PRRC2B: variants seen among roughly 807,000 people sequenced by gnomAD.
PRRC2B encodes the protein protein PRRC2B.
PRRC2B carries 68 observed loss-of-function variants against 242.3 expected under a neutral mutation model. The observed-to-expected ratio is 0.28, with a 90% CI of 0.23 to 0.34. The LOEUF (loss-of-function observed/expected upper bound fraction) is 0.34. Ranked by LOEUF, PRRC2B falls within the 10% of genes least tolerant of loss-of-function variation. The pLI, the probability that PRRC2B is intolerant of heterozygous loss-of-function variation, is 1.00. For synonymous variants in PRRC2B, 1,228 were observed against 1,173.6 expected, an observed-to-expected ratio of 1.05 and a Z score of -0.95; for missense variants, 2,835 against 2,954.8, an observed-to-expected ratio of 0.96 and a Z score of 0.94.
At chr9:131,387,297 G>C (rs973342718) in intron 1 of PRRC2B, among the ~76,000 whole-genome samples, 1 of 149,914 alleles carries the variant, frequency 6.7e-6, no homozygotes, top group African/African-American at 2.4e-5. Context: ...CACCGCGCCC[G>C]GCCACCTGTC....
intron 1 of PRRC2B, among the ~76,000 whole-genome samples, chr9:131,396,554 G>C (rs1248439509): frequency 6.6e-6 from 1 of 152,012 alleles, no homozygotes; most frequent in Non-Finnish European, 1.5e-5. Context: ...TCAGACATCC[G>C]ACTTCAGGTG....
intron 1 of PRRC2B, among the ~76,000 whole-genome samples, chr9:131,415,691 C>T (rs1454116554): frequency 1.3e-5 from 2 of 152,168 alleles, no homozygotes; most frequent in Non-Finnish European, 2.9e-5. Context: ...TAAGAAGTCT[C>T]CATCATTGTT....
intron 26 of PRRC2B, 21 bp downstream of exon 26, chr9:131,486,203 G>C: frequency 6.5e-7 from 1 of 1,531,328 alleles, no homozygotes; most frequent in Non-Finnish European, 9.0e-7. Context: ...CTAGCCAGGT[G>C]GCCTGGCTGG....
intron 1 of PRRC2B, among the ~76,000 whole-genome samples, chr9:131,401,104 C>T (rs1837216372): frequency 6.6e-6 from 1 of 151,292 alleles, no homozygotes; most frequent in African/African-American, 2.4e-5. Flanking sequence ...CTTCGGAGCC[C>T]CCTACAGTTT....
intron 6 of PRRC2B, among the ~76,000 whole-genome samples, chr9:131,445,165 CTT>C (rs796163764): frequency 1.4e-5 from 2 of 145,900 alleles, no homozygotes; most frequent in Admixed American, 6.9e-5. Flanking sequence ...TATTTTGCTG[CTT>C]TTTTTTTTTT....
At chr9:131,439,819 G>A (rs771926005) in intron 5 of PRRC2B, among the ~76,000 whole-genome samples, 2 of 151,898 alleles carry the variant, frequency 1.3e-5, no homozygotes, top group Non-Finnish European at 2.9e-5. Flanking sequence ...TTGCAGCCTC[G>A]ATCTCCCGGG....
chr9:131,454,927 T>A (rs746113011), intron 9 of PRRC2B, 149 bp from the exon 10 acceptor site: 16 of 614,818 alleles, frequency 2.6e-5, no homozygotes, highest in Non-Finnish European at 3.8e-5. Flanking sequence ...AGCCACCATG[T>A]TGGTCAGTCT....
intron 1 of PRRC2B, among the ~76,000 whole-genome samples, chr9:131,407,204 C>T (rs569693158): frequency 1.3e-5 from 2 of 152,140 alleles, no homozygotes; most frequent in South Asian, 4.1e-4. Context: ...GATCCCACAG[C>T]TTTACAATTT....
At chr9:131,396,078 T>A (rs1390085743) in intron 1 of PRRC2B, among the ~76,000 whole-genome samples, 1 of 152,194 alleles carries the variant, frequency 6.6e-6, no homozygotes, top group Non-Finnish European at 1.5e-5. Flanking sequence ...GAGGCTCAGA[T>A]CTTGCATCTG....
rs1232590655 is a variant in PRRC2B, at chr9:131,439,032, T to C, written c.440T>C (p.Leu147Pro). ...VPGGPKSWAQ[L>P]NGKPVGHEGG... ...GGTGGACCAAAGTCATGGGCACAGC[T>C]GAATGGAAAGCCAGTAGGACACGAA... Residue 147 changes from leucine (L) to proline (P), a missense_variant, in exon 5 of 32, where the codon CTG (leucine) becomes CCG (proline). Leu to Pro is a moderately conservative substitution (Grantham distance 98). This residue lies in a region of PRRC2B where 626 missense variants were observed against 685.5 expected (regional missense o/e 0.91). Coordinates refer to ENST00000683519, the MANE Select transcript of PRRC2B (RefSeq NM_013318.4). 2 of 1,613,794 alleles carry C rather than the reference T, an allele frequency of 1.2e-6. No homozygotes were observed. Among genetic ancestry groups the C allele is most frequent in the Non-Finnish European group, 1.7e-6 (2 of 1,179,786 alleles).
intron 1 of PRRC2B, among the ~76,000 whole-genome samples, chr9:131,388,395 C>G (rs1427486042): frequency 1.3e-5 from 2 of 148,602 alleles, no homozygotes; most frequent in Non-Finnish European, 3.0e-5. Flanking sequence ...CATACACCAC[C>G]ACACCCATCT....
intron 11 of PRRC2B, among the ~76,000 whole-genome samples, chr9:131,462,117 C>T (rs1943258357): frequency 6.6e-6 from 1 of 152,132 alleles, no homozygotes; most frequent in South Asian, 2.1e-4. Context: ...TTCACTTTAA[C>T]CTACTCATAA....
upstream of PRRC2B, among the ~76,000 whole-genome samples, chr9:131,390,285 T>TGA (rs1414376325): frequency 3.3e-5 from 5 of 149,914 alleles, no homozygotes; most frequent in Admixed American, 3.5e-4. Flanking sequence ...CCTGGCACAG[T>TGA]GAGCACCAGA....
intron 14 of PRRC2B, among the ~76,000 whole-genome samples, chr9:131,472,604 G>C (rs1943578562): frequency 1.3e-5 from 2 of 151,520 alleles, no homozygotes; most frequent in Non-Finnish European, 2.9e-5. Context: ...AGCCTCCTGA[G>C]TAGCTGAGAT....
chr9:131,464,433 TCAG>T (rs1168578997), intron 11 of PRRC2B, among the ~76,000 whole-genome samples: 2 of 152,194 alleles, frequency 1.3e-5, no homozygotes, highest in African/African-American at 2.4e-5. Flanking sequence ...TGCATGCCCA[TCAG>T]CAGTGGTGGG....
At chr9:131,376,862 C>G (rs1836691866) in intron 1 of PRRC2B, among the ~76,000 whole-genome samples, 1 of 152,068 alleles carries the variant, frequency 6.6e-6, no homozygotes, top group Non-Finnish European at 1.5e-5. Flanking sequence ...CAAAAATTAG[C>G]CAGGCATGGT....
rs768832024 is a variant in PRRC2B, at chr9:131,475,766, G to A, written c.3637G>A (p.Gly1213Arg). 1.7e-5 allele frequency: 28 copies of A among 1,613,428 alleles called. No homozygotes were observed. Among genetic ancestry groups the A allele is most frequent in the African/African-American group, 4.0e-5 (3 of 74,922 alleles). The change falls in exon 16 of 32, where the codon GGG becomes AGG. Residue 1213 changes from glycine to arginine, a missense_variant. Around this residue, in one of 7 missense-constraint regions of PRRC2B, gnomAD observed 1,536 missense variants for 1,483.1 expected, o/e 1.04. Transcript: ENST00000683519. ...RALPPRLSNCGYGRRTFVSKE... is the reference protein window; with the variant it reads ...RALPPRLSNCRYGRRTFVSKE... The stretch of plus-strand genomic sequence containing the variant: ...CCTCCCTCCCCGGCTGAGCAATTGC[G>A]GGTATGGACGGAGAACCTTCGTCTC...
chr9:131,373,670 C>A (rs1200648565), exon 1 of PRRC2B: 1 of 152,240 alleles, frequency 6.6e-6, no homozygotes, highest in Non-Finnish European at 1.5e-5. Flanking sequence ...TCTGGGCCGC[C>A]GCGATTCTGG....
Position 131,455,137 on chromosome 9 carries a change from A to G in PRRC2B, c.1182A>G (p.Glu394=), listed in dbSNP as rs764798116. ...AGTTCAGTGATGATGAAGAGGAGGA[A>G]GAAGTTGTGAAGGACGGCAGGCCAA... ...KLKFSDDEEE[E]EVVKDGRPKW... Residue 394 remains glutamate (E), a synonymous_variant, in exon 10 of 32, where the codon GAA becomes GAG. Coordinates refer to ENST00000683519, the MANE Select transcript of PRRC2B (RefSeq NM_013318.4). The G allele has an allele frequency of 6.2e-7, 1 of 1,613,772 alleles. No homozygotes were observed.
Sources: gnomAD v4.1 joint callset for allele counts (sites outside exome capture counted in the v4.1 genomes callset) on GRCh38, gnomAD v4.1.1 for gene constraint, gnomAD v4.1.1 regional missense constraint, MANE v1.5 for transcripts, NCBI Gene and HGNC (gene_info 2026-07-23, HGNC 2026-07-21) for gene names.